ABTB2: variants seen among roughly 807,000 people sequenced by gnomAD.
The protein encoded by ABTB2 is ankyrin repeat and BTB domain containing 2.
Under a neutral mutation model 104.1 loss-of-function variants are expected in ABTB2, and 56 were observed. The observed-to-expected ratio is 0.54, with a 90% CI of 0.43 to 0.67. ABTB2 has a LOEUF of 0.67. Among genes scored for constraint, ABTB2 ranks in the 30% least tolerant of loss-of-function variants. The pLI is 0.00. For missense variants in ABTB2, 1,279 were observed against 1,407.7 expected (o/e 0.91, Z 1.46); for synonymous variants, 606 against 608.2 (o/e 1.00, Z 0.05).
At position 34,338,949 on chromosome 11, in the gene ABTB2, A is replaced by G. The variant is rs536699880; in HGVS notation, c.883+17752T>C. On this transcript the variant is annotated intron_variant, in intron 1 of 16. Transcript: ENST00000435224. ...CCCTAAAGCCCCTTCCATCGTCTTGAAATCAGCAACAGTATCTACCTCTGC... is the reference window on the plus strand; with the variant it reads ...CCCTAAAGCCCCTTCCATCGTCTTGGAATCAGCAACAGTATCTACCTCTGC... Among the ~76,000 whole-genome samples the G allele has an allele frequency of 2.0e-5, 3 of 152,320 alleles. No individual in the cohort carries two copies. The South Asian group carries it at 6.2e-4, about 32-fold the overall frequency.
At position 34,227,389 on chromosome 11, in the gene ABTB2, C is replaced by T. The variant is rs139672252; in HGVS notation, c.884-22699G>A. ...AGCACTAAGCTATTTTCTGTCTCTA[C>T]GAATTTGCCTTTCCTGGACATTTCA... is the stretch of plus-strand genomic sequence containing the variant. On this transcript the variant is annotated intron_variant, in intron 1 of 16. Transcript: ENST00000435224. Among the ~76,000 whole-genome samples the T allele has an allele frequency of 5.3e-5, 8 of 152,160 alleles. No individual in the cohort carries two copies. In the East Asian group the frequency reaches 5.8e-4, roughly 11 times the overall value.
intron 1 of ABTB2, among the ~76,000 whole-genome samples, chr11:34,304,513 A>G (rs908695232): frequency 1.3e-5 from 2 of 152,224 alleles, no homozygotes; most frequent in Non-Finnish European, 2.9e-5. Context: ...TATCATTCAC[A>G]TTTCACAGAT....
intron 1 of ABTB2, among the ~76,000 whole-genome samples, chr11:34,326,671 G>C (rs1424284925): frequency 6.7e-6 from 1 of 150,244 alleles, no homozygotes; most frequent in Non-Finnish European, 1.5e-5. Context: ...AGGCAGGAAA[G>C]GAGAAAGGGA....
intron 2 of ABTB2, among the ~76,000 whole-genome samples, chr11:34,202,424 AT>A (rs1327925391): frequency 6.6e-6 from 1 of 152,034 alleles, no homozygotes; most frequent in Non-Finnish European, 1.5e-5. Context: ...GTCAGATCAT[AT>A]ATGGATCCTG....
At chr11:34,293,891 A>AT (rs570537287) in intron 1 of ABTB2, among the ~76,000 whole-genome samples, 5,571 of 152,088 alleles carry the variant, frequency 0.037, 133 homozygotes, top group Non-Finnish European at 0.059. Context: ...TGCCTGGCTA[A>AT]TTTTTTGTAT....
At chr11:34,310,953 C>T (rs1186216397) in intron 1 of ABTB2, among the ~76,000 whole-genome samples, 2 of 152,142 alleles carry the variant, frequency 1.3e-5, no homozygotes, top group Non-Finnish European at 2.9e-5. Context: ...TCTCTTCAGC[C>T]AAGGTCCTGA....
intron 1 of ABTB2, among the ~76,000 whole-genome samples, chr11:34,329,382 C>T (rs1050778682): frequency 6.6e-6 from 1 of 152,210 alleles, no homozygotes; most frequent in Non-Finnish European, 1.5e-5. Context: ...ACTCCACCCC[C>T]CTGCCCAGAT....
At chr11:34,163,977 G>A (rs1481829094) in intron 9 of ABTB2, among the ~76,000 whole-genome samples, 2 of 151,766 alleles carry the variant, frequency 1.3e-5, no homozygotes, top group African/African-American at 4.8e-5. Flanking sequence ...GTGGGTGAAT[G>A]TGGGGGTGGG....
intron 1 of ABTB2, among the ~76,000 whole-genome samples, chr11:34,266,565 C>G (rs1251458425): frequency 3.3e-5 from 5 of 152,226 alleles, no homozygotes; most frequent in Admixed American, 3.3e-4. Context: ...TTGTTCTCTA[C>G]AGCATGAACT....
chr11:34,311,901 G>A (rs889534778), intron 1 of ABTB2, among the ~76,000 whole-genome samples: 1 of 152,148 alleles, frequency 6.6e-6, no homozygotes, highest in Non-Finnish European at 1.5e-5. Context: ...AGCACTTTGG[G>A]AGGCCAAGGT....
intron 1 of ABTB2, among the ~76,000 whole-genome samples, chr11:34,266,261 T>C (rs943737770): frequency 6.6e-6 from 1 of 152,040 alleles, no homozygotes; most frequent in Non-Finnish European, 1.5e-5. Flanking sequence ...TGTTACATTT[T>C]TTTCGGAAGT....
intron 1 of ABTB2, chr11:34,335,561 A>G: frequency 4.9e-6 from 7 of 1,436,238 alleles, no homozygotes; most frequent in Non-Finnish European, 6.8e-6. Context: ...TTTGTATTGC[A>G]CACTCCACTC....
rs1852598501 is a variant in ABTB2, at chr11:34,154,763, T to A, written c.2704A>T (p.Met902Leu). ...GTTCCTCCGTAGTACAGATACTGCATCATCATCTGTGGTGGGAAGAGGCCC... is the reference window on the plus strand; with the variant it reads ...GTTCCTCCGTAGTACAGATACTGCAACATCATCTGTGGTGGGAAGAGGCCC... ...DMKYHIFQMMMQYLYYGGTES... is the reference protein window; with the variant it reads ...DMKYHIFQMMLQYLYYGGTES... Residue 902 changes from methionine (M) to leucine (L), a missense_variant, in exon 15 of 17, where the codon ATG (methionine) becomes TTG (leucine). Physicochemically the swap from Met to Leu is conservative, Grantham distance 15 (BLOSUM62 2). Coordinates refer to ENST00000435224, the MANE Select transcript of ABTB2 (RefSeq NM_145804.3). The surrounding 1 kb of genome is among the most constrained non-coding windows in gnomAD (Gnocchi z 4.9). The A allele has an allele frequency of 3.7e-6, 6 of 1,613,964 alleles. No individual in the cohort carries two copies. The highest frequency in any genetic ancestry group is 5.1e-6 in the Non-Finnish European group (6 of 1,179,872).
intron 1 of ABTB2, among the ~76,000 whole-genome samples, chr11:34,225,360 C>T (rs1300897740): frequency 6.6e-6 from 1 of 152,250 alleles, no homozygotes; most frequent in Admixed American, 6.5e-5. Flanking sequence ...ACTGTTATGG[C>T]TGAAGTCGCC....
At chr11:34,267,571 C>A (rs1854266425) in intron 1 of ABTB2, among the ~76,000 whole-genome samples, 1 of 152,214 alleles carries the variant, frequency 6.6e-6, no homozygotes, top group East Asian at 1.9e-4. Flanking sequence ...TAAGATTTCA[C>A]TTGCAACCTG....
intron 1 of ABTB2, among the ~76,000 whole-genome samples, chr11:34,325,445 C>T (rs557812982): frequency 1.4e-4 from 21 of 152,290 alleles, no homozygotes; most frequent in African/African-American, 4.1e-4. Context: ...TTAAGCTCTC[C>T]GTTCCCTAGT....
At chr11:34,165,144 C>T in intron 8 of ABTB2, 116 bp downstream of exon 8, 1 of 994,762 alleles carries the variant, frequency 1.0e-6, no homozygotes, top group Non-Finnish European at 1.4e-6. Context: ...TTTTAAGGCC[C>T]CTGCATGGGG....
chr11:34,342,915 C>T (rs1564937008), intron 1 of ABTB2, among the ~76,000 whole-genome samples: 2 of 150,316 alleles, frequency 1.3e-5, no homozygotes, highest in African/African-American at 2.4e-5. Flanking sequence ...GTGTCACTCC[C>T]ATTTCATTTA....
chr11:34,173,454 G>A, intron 3 of ABTB2, 147 bp from the exon 4 acceptor site: 1 of 1,051,802 alleles, frequency 9.5e-7, no homozygotes, highest in Non-Finnish European at 1.4e-6. Context: ...GGCAGCAGAG[G>A]GTCAGGCCTA....
Sources: gnomAD v4.1 joint callset for allele counts (sites outside exome capture counted in the v4.1 genomes callset) on GRCh38, gnomAD v4.1.1 for gene constraint, Gnocchi (gnomAD v3.1) non-coding constraint, MANE v1.5 for transcripts, NCBI Gene and HGNC (gene_info 2026-07-23, HGNC 2026-07-21) for gene names.